The following AGAP3 variants were observed in gnomAD, a reference collection of about 807,000 sequenced individuals.
AGAP3 encodes the protein ArfGAP with GTPase domain, ankyrin repeat and PH domain 3, also known as arf-GAP with GTPase, ANK repeat and PH domain-containing protein 3.
In AGAP3, 24 loss-of-function variants were observed where a neutral mutation model predicts 96.9. The ratio of observed to expected loss-of-function variants is 0.25; its 90% CI spans 0.18 to 0.35. The LOEUF is 0.35. Among genes scored for constraint, AGAP3 ranks in the 10% least tolerant of loss-of-function variants. AGAP3 has a pLI of 1.00. For missense variants in AGAP3, 876 were observed against 1,254.2 expected, an observed-to-expected ratio of 0.70 and a Z score of 4.55; for synonymous variants, 563 against 536.1, an observed-to-expected ratio of 1.05 and a Z score of -0.69.
intron 9 of AGAP3, among the ~76,000 whole-genome samples, chr7:151,127,704 C>T (rs1563503244): frequency 6.6e-6 from 1 of 152,188 alleles, no homozygotes; most frequent in Non-Finnish European, 1.5e-5. Context: ...AGAAGCTGAG[C>T]CAGTGAGAGC....
rs896446171 is a variant in AGAP3, at chr7:151,117,081, T to G, written c.391-14T>G. ...CTCTGCCCTCTGACCCACTCACCCC[T>G]TCCTCTCCCGCAGGGCATAGTGGGG... is the stretch of plus-strand genomic sequence containing the variant. On this transcript the variant is annotated splice_polypyrimidine_tract_variant and intron_variant, in intron 2 of 17. Coordinates refer to ENST00000397238, the MANE Select transcript of AGAP3 (RefSeq NM_031946.7). The G allele has an allele frequency of 1.2e-6, 2 of 1,612,458 alleles. No homozygotes were observed. Among genetic ancestry groups the G allele is most frequent in the Admixed American group, 1.7e-5 (1 of 59,926 alleles).
intron 1 of AGAP3, chr7:151,115,030 G>C (rs1406076789): frequency 4.0e-6 from 4 of 992,028 alleles, no homozygotes; most frequent in East Asian, 2.2e-4. Context: ...CTCGGCCGCC[G>C]GGGCCTGGCG....
chr7:151,117,704 G>A lies in AGAP3; in HGVS notation c.633G>A (p.Val211=). The A allele has an allele frequency of 6.2e-7, 1 of 1,614,198 alleles. No individual in the cohort carries two copies. Among genetic ancestry groups the A allele is most frequent in the Non-Finnish European group, 8.5e-7 (1 of 1,180,006 alleles). Residue 211 remains valine (V), a synonymous_variant, in exon 5 of 18, where the codon GTG becomes GTA. Coordinates refer to ENST00000397238, the MANE Select transcript of AGAP3 (RefSeq NM_031946.7). ...SLEDEISFQT[V]YNYFLRLCSF... ...AGGATGAAATCAGTTTCCAGACGGT[G>A]TACAACTACTTCCTGCGTCTCTGCA...
At chr7:151,111,107 C>T (rs985015868) in intron 1 of AGAP3, among the ~76,000 whole-genome samples, 5 of 152,162 alleles carry the variant, frequency 3.3e-5, no homozygotes, top group South Asian at 4.1e-4. Context: ...TCCTGGGGGG[C>T]GAAGGGGTCT....
chr7:151,120,476 GGAC>G, intron 8 of AGAP3: 1 of 639,394 alleles, frequency 1.6e-6, no homozygotes, highest in East Asian at 3.9e-5. Context: ...AAGTATCCTT[GGAC>G]TCACTTGGCC....
Position 151,115,658 on chromosome 7 carries a change from G to T in AGAP3, c.332-1135G>T, listed in dbSNP as rs902742762. The T allele has an allele frequency of 5.2e-6, 6 of 1,154,214 alleles. No homozygotes were observed. In the African/African-American group the frequency reaches 6.5e-5, roughly 13 times the overall value. The allele number at this position is 1,154,214 out of a possible 1,614,324, so 71.5% of individuals were successfully genotyped here. On this transcript the variant is annotated intron_variant, in intron 1 of 17. Coordinates refer to ENST00000397238, the MANE Select transcript of AGAP3 (RefSeq NM_031946.7). ...CGCCCAGCGGTAAGGGGGCGGGCCT[G>T]GGGGGCGTCTGGCAGAAAACAGCTC...
Position 151,143,211 on chromosome 7 carries a change from A to G in AGAP3, c.2274-130A>G. On this transcript the variant is annotated intron_variant, in intron 16 of 17. Transcript: ENST00000397238. The surrounding 1 kb of genome is among the most constrained non-coding windows in gnomAD (Gnocchi z 5.9). ...GGCTTCTCTCCTTCCTTTTTGCTCCATCTCATCTTCTCTCACTGTTTCTTC... is the reference window on the plus strand; with the variant it reads ...GGCTTCTCTCCTTCCTTTTTGCTCCGTCTCATCTTCTCTCACTGTTTCTTC... The G allele has an allele frequency of 8.7e-7, 1 of 1,152,662 alleles. No homozygotes were observed. The highest frequency in any genetic ancestry group is 1.2e-6 in the Non-Finnish European group (1 of 829,208). The allele number at this position is 1,152,662 out of a possible 1,614,324, so 71.4% of individuals were successfully genotyped here. A position where few individuals can be genotyped will look rare whatever the true frequency, so the allele number is the denominator to read the frequency against.
chr7:151,137,428 C>T (rs909153291), intron 11 of AGAP3, among the ~76,000 whole-genome samples: 26 of 152,244 alleles, frequency 1.7e-4, no homozygotes, highest in African/African-American at 3.1e-4. Context: ...CTTAGGTTCT[C>T]GGAGTTCCAA....
rs1455356615 is a variant in AGAP3, at chr7:151,108,495, G to A, written c.332-8298G>A. On this transcript the variant is annotated intron_variant, in intron 1 of 17. Coordinates refer to ENST00000397238, the MANE Select transcript of AGAP3 (RefSeq NM_031946.7). The surrounding 1 kb of genome is among the most constrained non-coding windows in gnomAD (Gnocchi z 4.2). ...CCTCAGCTTTTCCCTGGGGAGGAGA[G>A]GACCAAAGTCACTGGGGAGCTCTCA... 1.3e-5 allele frequency among the ~76,000 whole-genome samples: 2 copies of A among 152,130 alleles called. No individual in the cohort carries two copies. Among genetic ancestry groups the A allele is most frequent in the African/African-American group, 4.8e-5 (2 of 41,422 alleles).
rs1225834798 is a variant in AGAP3 at position 151,117,729 on chromosome 7, A to C, written c.658A>C (p.Ser220Arg). 1.2e-6 allele frequency: 2 copies of C among 1,614,080 alleles called. No individual in the cohort carries two copies. The highest frequency in any genetic ancestry group is 1.3e-5 in the African/African-American group (1 of 74,938). The change falls in exon 5 of 18, where the codon AGC becomes CGC. Residue 220 changes from serine (S) to arginine (R), a missense_variant. Transcript: ENST00000397238. ...GTACAACTACTTCCTGCGTCTCTGC[A>C]GCTTCCGCAACGCCAGCGAGGTGCC... ...TVYNYFLRLC[S>R]FRNASEVPMV... is the part of the protein sequence containing the mutation.
rs1291096567 is a variant in AGAP3 at position 151,114,963 on chromosome 7, C to T, written c.332-1830C>T. ...GCCGCGGAGCGTGTGCTCGGGCGGC[C>T]CGGAGCCGCCGCCCACCGGCGCCCG... On this transcript the variant is annotated intron_variant, in intron 1 of 17. Coordinates refer to ENST00000397238, the MANE Select transcript of AGAP3 (RefSeq NM_031946.7). This position sits in a 1 kb window ranked among gnomAD's most constrained non-coding sequence, Gnocchi z 4.4. 4 of 982,670 alleles carry T rather than the reference C, an allele frequency of 4.1e-6. No individual in the cohort carries two copies. The highest frequency in any genetic ancestry group is 1.8e-5 in the African/African-American group (1 of 56,588). 60.9% of individuals were successfully genotyped at this position (982,670 alleles called of 1,614,324 possible).
At chr7:151,094,485 A>G (rs1798520571) in intron 1 of AGAP3, among the ~76,000 whole-genome samples, 1 of 152,030 alleles carries the variant, frequency 6.6e-6, no homozygotes, top group African/African-American at 2.4e-5. Flanking sequence ...GTAAGAAAAA[A>G]AAAAAAAAGA....
intron 11 of AGAP3, chr7:151,137,830 A>G (rs1800661191): frequency 2.5e-6 from 1 of 407,890 alleles, no homozygotes; most frequent in African/African-American, 2.1e-5. Flanking sequence ...CACTGCGGCG[A>G]TGGGTGTCAG....
chr7:151,104,036 G>A (rs994250290), intron 1 of AGAP3, among the ~76,000 whole-genome samples: 1 of 152,186 alleles, frequency 6.6e-6, no homozygotes, highest in African/African-American at 2.4e-5. Flanking sequence ...TCTCCAATGT[G>A]AAGGTTCATT....
At chr7:151,132,134 G>A (rs4725393) in intron 10 of AGAP3, among the ~76,000 whole-genome samples, 1 of 152,064 alleles carries the variant, frequency 6.6e-6, no homozygotes, top group South Asian at 2.1e-4. Flanking sequence ...TGCAGCCCAG[G>A]GTGCTGGAGA....
Position 151,116,970 on chromosome 7 carries a change from T to C in AGAP3, c.390+119T>C, listed in dbSNP as rs943068061. Reference sequence around the variant, plus strand: ...CCCTTCTCTGCTCAGCTTGGCCCTCTCTGCCCTCTCTCCTCCCCTTCAGCC... The same window carrying C: ...CCCTTCTCTGCTCAGCTTGGCCCTCCCTGCCCTCTCTCCTCCCCTTCAGCC... On this transcript the variant is annotated intron_variant, in intron 2 of 17. Coordinates refer to ENST00000397238, the MANE Select transcript of AGAP3 (RefSeq NM_031946.7). 1.5e-5 allele frequency: 23 copies of C among 1,483,928 alleles called. No individual in the cohort carries two copies. In the African/African-American group the frequency reaches 3.2e-4, roughly 21 times the overall value. The allele number at this position is 1,483,928 out of a possible 1,614,324, so 91.9% of individuals were successfully genotyped here.
chr7:151,143,165 C>G lies in AGAP3; in HGVS notation c.2274-176C>G, dbSNP rs559145645. 1.2e-4 allele frequency among the ~76,000 whole-genome samples: 18 copies of G among 152,346 alleles called. No individual in the cohort carries two copies. The highest frequency in any genetic ancestry group is 3.4e-3 in the Middle Eastern group (1 of 294). On this transcript the variant is annotated intron_variant, in intron 16 of 17. Coordinates refer to ENST00000397238, the MANE Select transcript of AGAP3 (RefSeq NM_031946.7). The surrounding 1 kb of genome is among the most constrained non-coding windows in gnomAD (Gnocchi z 5.9). ...CCCCTTTCCATTACCCACTGCCCCT[C>G]TGTGTGCCTGGAGTTTCCAAGGCTT...
intron 8 of AGAP3, chr7:151,120,804 C>T (rs1799845916): frequency 8.5e-7 from 1 of 1,174,642 alleles, no homozygotes; most frequent in Non-Finnish European, 1.1e-6. Flanking sequence ...ACACCCCACA[C>T]CTGGGGGCTG....
rs200599566 is a variant in AGAP3, at chr7:151,118,636, C to T, written c.969+4C>T. 90 of 1,611,738 alleles carry T rather than the reference C, an allele frequency of 5.6e-5. 1 individual carries two copies. The highest frequency in any genetic ancestry group is 5.5e-4 in the Admixed American group (33 of 60,004). ...CCCGGCCGTGCACATCAACCAGGTT[C>T]GGCCTGTGCCCCGCCCTGCCCTTCC... On this transcript the variant is annotated splice_donor_region_variant and intron_variant, in intron 7 of 17. Transcript: ENST00000397238. This position sits in a 1 kb window ranked among gnomAD's most constrained non-coding sequence, Gnocchi z 6.1.
Sources: gnomAD v4.1 joint callset for allele counts (sites outside exome capture counted in the v4.1 genomes callset) on GRCh38, gnomAD v4.1.1 for gene constraint, Gnocchi (gnomAD v3.1) non-coding constraint, MANE v1.5 for transcripts, NCBI Gene and HGNC (gene_info 2026-07-23, HGNC 2026-07-21) for gene names.